The following ADGRV1 variants were observed in gnomAD, a reference collection of about 807,000 sequenced individuals.
ADGRV1 encodes the protein G-protein coupled receptor 98.
ADGRV1 carries 359 observed loss-of-function variants against 596.2 expected under a neutral mutation model. That is an observed-to-expected ratio of 0.60 (90% CI 0.55 to 0.66). The LOEUF (loss-of-function observed/expected upper bound fraction) is 0.66. Ranked by LOEUF, ADGRV1 falls within the 30% of genes least tolerant of loss-of-function variation. ADGRV1 has a pLI of 0.00. For missense variants in ADGRV1, 7,274 were observed against 7,575.6 expected (o/e 0.96, Z 1.48); for synonymous variants, 2,681 against 2,679.2 (o/e 1.00, Z -0.02).
intron 34 of ADGRV1, among the ~76,000 whole-genome samples, chr5:90,701,108 G>A (rs905610507): frequency 1.1e-4 from 17 of 152,080 alleles, no homozygotes; most frequent in African/African-American, 3.1e-4. Flanking sequence ...TCTGGATTTC[G>A]TATCAAGATG....
At chr5:90,971,199 G>A (rs1778943582) in intron 84 of ADGRV1, among the ~76,000 whole-genome samples, 1 of 152,202 alleles carries the variant, frequency 6.6e-6, no homozygotes, top group Non-Finnish European at 1.5e-5. Flanking sequence ...ATGGGACTAT[G>A]TGAAAAGACC....
intron 87 of ADGRV1, among the ~76,000 whole-genome samples, chr5:91,112,303 C>A (rs1188766544): frequency 6.6e-6 from 1 of 152,226 alleles, no homozygotes; most frequent in Non-Finnish European, 1.5e-5. Flanking sequence ...TTCTTCTGCT[C>A]TAATTCGTGC....
At chr5:90,662,766 C>A (rs1770582437) in intron 21 of ADGRV1, among the ~76,000 whole-genome samples, 1 of 152,046 alleles carries the variant, frequency 6.6e-6, no homozygotes, top group Non-Finnish European at 1.5e-5. Context: ...TCCCCCTCCC[C>A]CCACCACACA....
At chr5:91,008,893 G>A (rs1782505055) in intron 85 of ADGRV1, among the ~76,000 whole-genome samples, 1 of 152,060 alleles carries the variant, frequency 6.6e-6, no homozygotes, top group South Asian at 2.1e-4. Context: ...GTACAAACCA[G>A]CCCCAGCACA....
intron 83 of ADGRV1, among the ~76,000 whole-genome samples, chr5:90,928,608 G>A (rs1241071187): frequency 2.0e-5 from 3 of 148,884 alleles, no homozygotes; most frequent in South Asian, 2.2e-4. Flanking sequence ...TAATTTGATC[G>A]TCTGAAGCCT....
At chr5:90,610,410 A>C (rs1762599953) in intron 1 of ADGRV1, among the ~76,000 whole-genome samples, 1 of 151,998 alleles carries the variant, frequency 6.6e-6, no homozygotes, top group Non-Finnish European at 1.5e-5. Context: ...TGACAATCAG[A>C]AGGGGCTTAG....
chr5:90,872,857 A>G (rs1016280136), intron 83 of ADGRV1, among the ~76,000 whole-genome samples: 14 of 152,188 alleles, frequency 9.2e-5, no homozygotes, highest in Admixed American at 5.2e-4. Flanking sequence ...TCTTGCAGAC[A>G]GTTTTAACAT....
chr5:91,073,978 G>A (rs1433880194), intron 86 of ADGRV1, among the ~76,000 whole-genome samples: 1 of 152,180 alleles, frequency 6.6e-6, no homozygotes, highest in Non-Finnish European at 1.5e-5. Flanking sequence ...GATGACAGGC[G>A]TGAGCCACCA....
chr5:91,069,079 G>A (rs146489628), intron 85 of ADGRV1, among the ~76,000 whole-genome samples: 238 of 152,232 alleles, frequency 1.6e-3, no homozygotes, highest in Non-Finnish European at 2.3e-3. Context: ...TGGGATAACT[G>A]GCTAGCCATA....
Position 90,706,702 on chromosome 5 carries a change from T to A in ADGRV1, c.8730+308T>A, listed in dbSNP as rs74488161. ...TTAAGACATCAAGTTTCATGAAAACTAAGTTTACCTGAGTTTTTTTCTATT... is the reference window on the plus strand; with the variant it reads ...TTAAGACATCAAGTTTCATGAAAACAAAGTTTACCTGAGTTTTTTTCTATT... On this transcript the variant is annotated intron_variant, in intron 38 of 89. Coordinates refer to ENST00000405460, the MANE Select transcript of ADGRV1 (RefSeq NM_032119.4). Among the ~76,000 whole-genome samples, 2,687 of 149,042 alleles carry A rather than the reference T, an allele frequency of 0.018. 35 individuals are homozygous for A. Among genetic ancestry groups the A allele is most frequent in the Non-Finnish European group, 0.027 (1,840 of 67,388 alleles).
chr5:91,103,907 G>A (rs551581449), intron 87 of ADGRV1, among the ~76,000 whole-genome samples: 6 of 152,280 alleles, frequency 3.9e-5, no homozygotes, highest in East Asian at 3.9e-4. Context: ...ATTAAGCAAC[G>A]TGTTGAGAAG....
At chr5:90,636,532 T>C (rs1032149879) in intron 10 of ADGRV1, among the ~76,000 whole-genome samples, 3 of 152,224 alleles carry the variant, frequency 2.0e-5, no homozygotes, top group Admixed American at 2.0e-4. Flanking sequence ...AGCTGTAAAT[T>C]TACCGTTTCA....
intron 89 of ADGRV1, among the ~76,000 whole-genome samples, chr5:91,158,085 A>G (rs1180083221): frequency 6.6e-6 from 1 of 152,226 alleles, no homozygotes; most frequent in Non-Finnish European, 1.5e-5. Flanking sequence ...CAAAAATCCT[A>G]CATTGCAAAG....
intron 85 of ADGRV1, among the ~76,000 whole-genome samples, chr5:91,007,355 C>T (rs1467113662): frequency 6.6e-6 from 1 of 152,082 alleles, no homozygotes; most frequent in Non-Finnish European, 1.5e-5. Flanking sequence ...CATAGTGTAG[C>T]CTTCAGTGCT....
intron 59 of ADGRV1, among the ~76,000 whole-genome samples, chr5:90,766,011 G>A (rs1185623654): frequency 2.6e-5 from 4 of 151,978 alleles, no homozygotes; most frequent in South Asian, 2.1e-4. Context: ...CCGGGTTTAC[G>A]CCATTCTCCT....
rs1752144344 is a variant in ADGRV1, at chr5:90,728,822, G to A, written c.10315G>A (p.Gly3439Ser). ...AAACTCCCTTTTATTCAGATGGTCTGGCAGTGGGTTTATTAACTTTCAAGA... is the reference window on the plus strand; with the variant it reads ...AAACTCCCTTTTATTCAGATGGTCTAGCAGTGGGTTTATTAACTTTCAAGA... ...RLNSLLFRWSGSGFINFQEVP... is the reference protein window; with the variant it reads ...RLNSLLFRWSSSGFINFQEVP... The change falls in exon 49 of 90, where the codon GGC becomes AGC. Residue 3439 changes from glycine (G) to serine (S), a missense_variant. Gly to Ser is a moderately conservative substitution (Grantham distance 56). Coordinates refer to ENST00000405460, the MANE Select transcript of ADGRV1 (RefSeq NM_032119.4). 6.2e-7 allele frequency: 1 copy of A among 1,613,786 alleles called. No homozygotes were observed. The highest frequency in any genetic ancestry group is 1.3e-5 in the African/African-American group (1 of 74,906).
intron 75 of ADGRV1, among the ~76,000 whole-genome samples, chr5:90,820,744 C>T (rs1271245052): frequency 2.0e-5 from 3 of 151,194 alleles, no homozygotes; most frequent in Non-Finnish European, 4.4e-5. Flanking sequence ...AATATTGGCC[C>T]CCACTCTCTT....
chr5:91,142,996 G>A (rs1245435284), intron 87 of ADGRV1, among the ~76,000 whole-genome samples: 2 of 152,184 alleles, frequency 1.3e-5, no homozygotes, highest in Admixed American at 1.3e-4. Flanking sequence ...AAGGGCGAGT[G>A]GAGTGGCGAG....
chr5:90,842,725 A>T (rs1581288263), intron 78 of ADGRV1, among the ~76,000 whole-genome samples: 1 of 152,332 alleles, frequency 6.6e-6, no homozygotes, highest in African/African-American at 2.4e-5. Context: ...CTCAAAAAAA[A>T]AAATTGTAAA....
Sources: gnomAD v4.1 joint callset for allele counts (sites outside exome capture counted in the v4.1 genomes callset) on GRCh38, gnomAD v4.1.1 for gene constraint, MANE v1.5 for transcripts, NCBI Gene and HGNC (gene_info 2026-07-23, HGNC 2026-07-21) for gene names.